Variants in HDAC9 observed in about 807,000 individuals in gnomAD.
The protein encoded by HDAC9 is histone deacetylase 9, also known as MEF-2 interacting transcription repressor (MITR) protein.
A neutral mutation model predicts 139.4 loss-of-function variants in HDAC9; 41 were observed. The ratio of observed to expected loss-of-function variants is 0.29; its 90% CI spans 0.23 to 0.38. HDAC9 has a LOEUF of 0.38. Ranked by LOEUF, HDAC9 falls within the 10% of genes least tolerant of loss-of-function variation. The probability of loss-of-function intolerance (pLI) is 1.00; values close to 1 mark genes in which losing one functional copy is unlikely to be tolerated. For missense variants in HDAC9, 1,147 were observed against 1,297.0 expected (o/e 0.88, Z 1.78); for synonymous variants, 517 against 476.2 (o/e 1.09, Z -1.12).
At chr7:18,756,828 T>TA in intron 14 of HDAC9, among the ~76,000 whole-genome samples, 1 of 151,920 alleles carries the variant, frequency 6.6e-6, no homozygotes. Context: ...AAAAGCCTGT[T>TA]AGGCCACCTG....
At chr7:18,825,829 T>C (rs1449243954) in intron 17 of HDAC9, among the ~76,000 whole-genome samples, 1 of 148,184 alleles carries the variant, frequency 6.7e-6, no homozygotes, top group East Asian at 1.9e-4. Context: ...CACACATATA[T>C]ACATATATGC....
At chr7:18,304,900 C>T (rs1344365061) in intron 1 of HDAC9, among the ~76,000 whole-genome samples, 2 of 151,380 alleles carry the variant, frequency 1.3e-5, no homozygotes, top group African/African-American at 2.4e-5. Flanking sequence ...CACATATGCC[C>T]CCACCCCCAC....
At chr7:18,701,187 T>C (rs1783444531) in intron 12 of HDAC9, among the ~76,000 whole-genome samples, 1 of 151,938 alleles carries the variant, frequency 6.6e-6, no homozygotes, top group Non-Finnish European at 1.5e-5. Context: ...GAGGTTTTTT[T>C]CCTCTTAAGC....
chr7:18,384,337 A>C (rs1785717598), intron 1 of HDAC9, among the ~76,000 whole-genome samples: 1 of 152,162 alleles, frequency 6.6e-6, no homozygotes, highest in African/African-American at 2.4e-5. Flanking sequence ...CACTCAAAAC[A>C]TATACATATG....
intron 22 of HDAC9, among the ~76,000 whole-genome samples, chr7:18,883,189 A>G (rs868083158): frequency 6.6e-6 from 1 of 152,182 alleles, no homozygotes; most frequent in Middle Eastern, 3.2e-3. Flanking sequence ...CCAATGCAGA[A>G]TAAATAGTCC....
chr7:18,401,425 T>C (rs559761357), intron 1 of HDAC9, among the ~76,000 whole-genome samples: 2 of 152,290 alleles, frequency 1.3e-5, no homozygotes, highest in Admixed American at 1.3e-4. Flanking sequence ...GTGGCCATAT[T>C]CTGCAAAACA....
At chr7:18,835,215 G>T (rs1796147649) in intron 19 of HDAC9, among the ~76,000 whole-genome samples, 1 of 152,112 alleles carries the variant, frequency 6.6e-6, no homozygotes, top group African/African-American at 2.4e-5. Flanking sequence ...GGGCATGCTC[G>T]CTGTGGTTTC....
chr7:18,720,635 A>AG (rs958485192), intron 12 of HDAC9, among the ~76,000 whole-genome samples: 5 of 151,736 alleles, frequency 3.3e-5, no homozygotes, highest in African/African-American at 1.2e-4. Flanking sequence ...AGTAAAAAAA[A>AG]AAAATGTGTT....
chr7:18,397,196 G>A (rs867445270), intron 1 of HDAC9, among the ~76,000 whole-genome samples: 2 of 152,010 alleles, frequency 1.3e-5, no homozygotes, highest in Middle Eastern at 3.2e-3. Flanking sequence ...GAGAGAATAC[G>A]GGGGCAGAAG....
chr7:18,653,860 A>G (rs949844185), intron 11 of HDAC9, among the ~76,000 whole-genome samples: 3 of 152,074 alleles, frequency 2.0e-5, no homozygotes, highest in African/African-American at 7.2e-5. Flanking sequence ...TCTAACATGA[A>G]TGTTATATAT....
At chr7:18,837,916 A>C (rs750506959) in intron 21 of HDAC9, among the ~76,000 whole-genome samples, 1 of 152,060 alleles carries the variant, frequency 6.6e-6, no homozygotes, top group Non-Finnish European at 1.5e-5. Context: ...TGGACACTTT[A>C]TATTAGCAAA....
At chr7:18,764,627 G>GTTGT (rs913876901) in intron 15 of HDAC9, among the ~76,000 whole-genome samples, 2 of 151,872 alleles carry the variant, frequency 1.3e-5, no homozygotes, top group Admixed American at 6.6e-5. Flanking sequence ...TATTGTTGTT[G>GTTGT]TTGTTTGTTT....
chr7:18,584,035 G>C (rs1289514598), intron 2 of HDAC9, among the ~76,000 whole-genome samples: 21 of 151,816 alleles, frequency 1.4e-4, no homozygotes, highest in Admixed American at 1.3e-3. Context: ...ATGGATGCTG[G>C]TCATTCAAAA....
chr7:18,781,904 A>G (rs1448998313), intron 16 of HDAC9, among the ~76,000 whole-genome samples: 1 of 152,120 alleles, frequency 6.6e-6, no homozygotes, highest in African/African-American at 2.4e-5. Flanking sequence ...TGATTCATTT[A>G]AAAAATACAC....
At chr7:18,800,763 G>A (rs146110525) in intron 17 of HDAC9, among the ~76,000 whole-genome samples, 1,674 of 152,184 alleles carry the variant, frequency 0.011, 27 homozygotes, top group African/African-American at 0.031. Flanking sequence ...AGCCCGGGAA[G>A]TCAAAGCTGC....
At chr7:18,359,289 A>G (rs1783582995) in intron 1 of HDAC9, among the ~76,000 whole-genome samples, 1 of 152,150 alleles carries the variant, frequency 6.6e-6, no homozygotes, top group African/African-American at 2.4e-5. Flanking sequence ...CAGAGGTTGC[A>G]GTGAGCCAAT....
In HDAC9 at chr7:18,096,841, C is replaced by T. The variant is rs574164640; in HGVS notation, c.-97+9628C>T. ...ACAGCAACTCTCACATGAGAAGTGC[C>T]TAATAAATGTTCTGAATGAAAGAAT... On this transcript the variant is annotated intron_variant, in intron 1 of 12. Transcript: ENST00000417496. Among the ~76,000 whole-genome samples the T allele has an allele frequency of 7.3e-5, 11 of 151,492 alleles. No individual in the cohort carries two copies. The East Asian group carries it at 2.1e-3, about 29-fold the overall frequency.
At chr7:18,137,676 G>A (rs1785532492) in intron 1 of HDAC9, among the ~76,000 whole-genome samples, 1 of 151,410 alleles carries the variant, frequency 6.6e-6, no homozygotes, top group South Asian at 2.1e-4. Context: ...TGGTGGATAA[G>A]CTTTTTGATG....
intron 2 of HDAC9, among the ~76,000 whole-genome samples, chr7:18,167,599 C>G (rs1301525457): frequency 1.3e-5 from 2 of 152,162 alleles, no homozygotes; most frequent in African/African-American, 4.8e-5. Context: ...CAGCTTCTAA[C>G]TGGTTTGTGC....
Sources: gnomAD v4.1 joint callset for allele counts (sites outside exome capture counted in the v4.1 genomes callset) on GRCh38, gnomAD v4.1.1 for gene constraint, MANE v1.5 for transcripts, NCBI Gene and HGNC (gene_info 2026-07-23, HGNC 2026-07-21) for gene names.